The following TSEN2 variants were observed in gnomAD, a reference collection of about 807,000 sequenced individuals.
TSEN2 encodes the protein tRNA-splicing endonuclease subunit Sen2.
In TSEN2, 54 loss-of-function variants were observed where a neutral mutation model predicts 59.2. That is an observed-to-expected ratio of 0.91 (90% CI 0.73 to 1.14). The LOEUF (loss-of-function observed/expected upper bound fraction) is 1.14. Among genes scored for constraint, TSEN2 ranks in the 50% most tolerant of loss-of-function variants. TSEN2 has a pLI of 0.00. For synonymous variants in TSEN2, 195 were observed against 198.2 expected (o/e 0.98, Z 0.14); for missense variants, 636 against 576.2 (o/e 1.10, Z -1.06).
Position 12,519,049 on chromosome 3 carries a change from A to G in TSEN2, c.961-10A>G. ...AGTAATGCTTTTTGTTTTTTTGTAA[A>G]TAACTTTAGGAGCCTTTAACGATAG... On this transcript the variant is annotated splice_polypyrimidine_tract_variant and intron_variant, in intron 7 of 11. Transcript: ENST00000284995. 2 of 1,614,148 alleles carry G rather than the reference A, an allele frequency of 1.2e-6. No individual in the cohort carries two copies. Among genetic ancestry groups the G allele is most frequent in the Non-Finnish European group, 1.7e-6 (2 of 1,180,022 alleles).
upstream of TSEN2, among the ~76,000 whole-genome samples, chr3:12,480,252 C>T (rs2052176394): frequency 6.6e-6 from 1 of 152,176 alleles, no homozygotes; most frequent in South Asian, 2.1e-4. Flanking sequence ...CCTGCCCCGG[C>T]CAGGCCCAGC....
chr3:12,480,530 T>G (rs1362692947), upstream of TSEN2, among the ~76,000 whole-genome samples: 2 of 136,986 alleles, frequency 1.5e-5, no homozygotes, highest in Non-Finnish European at 3.2e-5. Context: ...GTTTCTTTGT[T>G]TTTTTTTTTT....
rs1361736604 is a variant in TSEN2, at chr3:12,503,506, G to T, written c.553G>T (p.Asp185Tyr). ...CTCTGGAAAGTCAGGTGGTGTGGGTGATCCCCGTGAGCCATTAGGCTGCCT... is the reference window on the plus strand; with the variant it reads ...CTCTGGAAAGTCAGGTGGTGTGGGTTATCCCCGTGAGCCATTAGGCTGCCT... ...GDSGKSGGVG[D>Y]PREPLGCLQE... The change falls in exon 5 of 12, where the codon GAT becomes TAT. Residue 185 changes from aspartate to tyrosine, a missense_variant. By Grantham distance (160) the Asp-to-Tyr change is radical. Transcript: ENST00000284995. The T allele has an allele frequency of 7.4e-6, 12 of 1,614,044 alleles. No individual in the cohort carries two copies. The highest frequency in any genetic ancestry group is 1.3e-5 in the African/African-American group (1 of 74,934).
At chr3:12,501,133 G>A (rs150282512) in intron 4 of TSEN2, among the ~76,000 whole-genome samples, 140 of 152,246 alleles carry the variant, frequency 9.2e-4, no homozygotes, top group African/African-American at 3.2e-3. Context: ...TCTTTTAAAC[G>A]TATGCATAGG....
chr3:12,484,674 G>C lies in TSEN2; in HGVS notation c.-224G>C, dbSNP rs1175377888. ...AGCCGGCCGAGACAGTGCCGGGACG[G>C]GGAGCCAGGCTTCCGAGTGCGCCCG... On this transcript the variant is annotated 5_prime_UTR_variant, in exon 1 of 12. Transcript: ENST00000284995. 1.3e-5 allele frequency: 2 copies of C among 152,290 alleles called. No individual in the cohort carries two copies. The highest frequency in any genetic ancestry group is 4.8e-5 in the African/African-American group (2 of 41,474). The allele number at this position is 152,290 out of a possible 1,614,324, so 9.4% of individuals were successfully genotyped here. A position where few individuals can be genotyped will look rare whatever the true frequency, so the allele number is the denominator to read the frequency against.
chr3:12,531,363 A>G (rs2057447803), intron 10 of TSEN2: 2 of 578,374 alleles, frequency 3.5e-6, no homozygotes, highest in East Asian at 5.8e-5. Flanking sequence ...ATCTGTTGCC[A>G]TGTTCAGTGA....
chr3:12,526,657 C>A (rs2057110075), intron 8 of TSEN2, among the ~76,000 whole-genome samples: 1 of 152,248 alleles, frequency 6.6e-6, no homozygotes, highest in South Asian at 2.1e-4. Context: ...GTGATGCTTA[C>A]TGTATGCCAT....
chr3:12,519,081 T>C lies in TSEN2; in HGVS notation c.983T>C (p.Leu328Pro), dbSNP rs1216389362. 2.5e-6 allele frequency: 4 copies of C among 1,614,190 alleles called. No homozygotes were observed. Among genetic ancestry groups the C allele is most frequent in the Non-Finnish European group, 2.5e-6 (3 of 1,180,022 alleles). Residue 328 changes from leucine (L) to proline (P), a missense_variant, in exon 8 of 12, where the codon CTC becomes CCC. Coordinates refer to ENST00000284995, the MANE Select transcript of TSEN2 (RefSeq NM_025265.4). ...YEKEPLTIVK[L>P]WKAFTVVQPT... The stretch of plus-strand genomic sequence containing the variant: ...TAGGAGCCTTTAACGATAGTGAAGC[T>C]CTGGAAAGCTTTCACTGTAGTTCAG...
At chr3:12,499,870 G>A (rs1342869276) in intron 4 of TSEN2, among the ~76,000 whole-genome samples, 1 of 152,182 alleles carries the variant, frequency 6.6e-6, no homozygotes, top group East Asian at 1.9e-4. Flanking sequence ...GTGGACTTAG[G>A]CACTGTGGCC....
In TSEN2 at chr3:12,506,849, A is replaced by T. The variant is rs986714853; in HGVS notation, c.909+1618A>T. The T allele has an allele frequency of 4.1e-6, 4 of 985,292 alleles. No homozygotes were observed. In the African/African-American group the frequency reaches 7.0e-5, roughly 17 times the overall value. The allele number at this position is 985,292 out of a possible 1,614,324, so 61.0% of individuals were successfully genotyped here. On this transcript the variant is annotated intron_variant, in intron 6 of 11. Coordinates refer to ENST00000284995, the MANE Select transcript of TSEN2 (RefSeq NM_025265.4). The stretch of plus-strand genomic sequence containing the variant: ...CTTGGCATACAGGTAGGTCCCAAGA[A>T]GTGCTATGGAACACATCCATGTTGG...
intron 8 of TSEN2, among the ~76,000 whole-genome samples, chr3:12,520,072 C>T (rs1283443951): frequency 1.3e-5 from 2 of 151,846 alleles, no homozygotes; most frequent in Middle Eastern, 3.4e-3. Flanking sequence ...AATCTTGGCT[C>T]ACTGCAACCT....
At chr3:12,491,987 CAG>C (rs1219156342) in intron 2 of TSEN2, 147 bp from the exon 3 acceptor site, 1 of 669,368 alleles carries the variant, frequency 1.5e-6, no homozygotes, top group African/African-American at 1.8e-5. Flanking sequence ...CATTTTATAT[CAG>C]GGACTCGACC....
Position 12,533,155 on chromosome 3 carries a change from C to G in TSEN2, c.*434C>G, listed in dbSNP as rs1487255676. On this transcript the variant is annotated 3_prime_UTR_variant, in exon 12 of 12. Transcript: ENST00000284995. ...CTTGTTACCTACATCTAAGCTGTTC[C>G]CGAAAGAGTGTTACAGAACACAACA... is the stretch of plus-strand genomic sequence containing the variant. The G allele has an allele frequency of 4.1e-6, 1 of 242,830 alleles. No individual in the cohort carries two copies. Among genetic ancestry groups the G allele is most frequent in the Non-Finnish European group, 8.1e-6 (1 of 123,664 alleles). 15.0% of individuals were successfully genotyped at this position (242,830 alleles called of 1,614,324 possible).
chr3:12,487,917 A>C (rs2124903535), intron 1 of TSEN2, among the ~76,000 whole-genome samples: 1 of 152,366 alleles, frequency 6.6e-6, no homozygotes, highest in South Asian at 2.1e-4. Flanking sequence ...TTTAGAAATT[A>C]ATCTAGCATG....
rs960963411 is a variant in TSEN2, at chr3:12,525,950, G to A, written c.1100-2938G>A. Among the ~76,000 whole-genome samples the A allele has an allele frequency of 2.0e-5, 3 of 152,092 alleles. No homozygotes were observed. In the South Asian group the frequency reaches 6.2e-4, roughly 32 times the overall value. On this transcript the variant is annotated intron_variant, in intron 8 of 11. Coordinates refer to ENST00000284995, the MANE Select transcript of TSEN2 (RefSeq NM_025265.4). ...ATGGCTACGATGTCATTAGGTGATA[G>A]GGATTTTTCAGCTCCGTTATAATCT...
intron 6 of TSEN2, among the ~76,000 whole-genome samples, chr3:12,508,859 T>C (rs1309741862): frequency 1.3e-5 from 2 of 152,174 alleles, no homozygotes; most frequent in African/African-American, 4.8e-5. Flanking sequence ...TCTTCAAATT[T>C]TTTATTCTTA....
chr3:12,528,734 A>G (rs911802874), intron 8 of TSEN2, among the ~76,000 whole-genome samples, 154 bp from the exon 9 acceptor site: 2 of 152,160 alleles, frequency 1.3e-5, no homozygotes, highest in African/African-American at 4.8e-5. Flanking sequence ...AATAGACCAC[A>G]GGCATATTGC....
At chr3:12,480,418 G>A (rs2052177663), upstream of TSEN2, among the ~76,000 whole-genome samples, 1 of 151,868 alleles carries the variant, frequency 6.6e-6, no homozygotes, top group Admixed American at 6.6e-5. Flanking sequence ...AGCCTCCCAG[G>A]CTCTTAAACC....
chr3:12,520,220 G>T (rs186500060), intron 8 of TSEN2, among the ~76,000 whole-genome samples: 1 of 152,122 alleles, frequency 6.6e-6, no homozygotes, highest in African/African-American at 2.4e-5. Flanking sequence ...GGATGGTCTC[G>T]ATCTCCTGAG....
Sources: allele counts gnomAD v4.1 joint callset (sites outside exome capture counted in the v4.1 genomes callset), GRCh38; gene constraint gnomAD v4.1.1; transcripts MANE v1.5; gene names NCBI Gene and HGNC (gene_info 2026-07-23, HGNC 2026-07-21).